Variants in RAB3GAP2 observed in about 807,000 individuals in gnomAD.
RAB3GAP2 encodes the protein rab3 GTPase-activating protein non-catalytic subunit.
In RAB3GAP2, 87 loss-of-function variants were observed where a neutral mutation model predicts 185.3. The ratio of observed to expected loss-of-function variants is 0.47; its 90% CI spans 0.39 to 0.56. The LOEUF (loss-of-function observed/expected upper bound fraction) is 0.56. RAB3GAP2 is among the 20% of genes least tolerant of loss of function. The probability of loss-of-function intolerance (pLI) is 0.00; values close to 1 mark genes in which losing one functional copy is unlikely to be tolerated. For synonymous variants in RAB3GAP2, 554 were observed against 576.1 expected (o/e 0.96, Z 0.55); for missense variants, 1,492 against 1,638.2 (o/e 0.91, Z 1.54).
chr1:220,161,706 T>C (rs1240753469), intron 28 of RAB3GAP2, among the ~76,000 whole-genome samples: 1 of 152,146 alleles, frequency 6.6e-6, no homozygotes, highest in Non-Finnish European at 1.5e-5. Context: ...TTGGATTAGA[T>C]ACAGAGGGAA....
intron 1 of RAB3GAP2, among the ~76,000 whole-genome samples, chr1:220,251,289 C>A (rs985408798): frequency 4.6e-5 from 7 of 152,104 alleles, no homozygotes; most frequent in Admixed American, 1.3e-4. Context: ...AGATTAAAAT[C>A]TAGTAGAATG....
In RAB3GAP2 at chr1:220,206,019, T is replaced by TAA. The variant is rs572027376; in HGVS notation, c.613-15_613-14dup. 3.6e-5 allele frequency: 44 copies of TAA among 1,227,130 alleles called. No individual in the cohort carries two copies. The highest frequency in any genetic ancestry group is 4.3e-5 in the Non-Finnish European group (39 of 903,440). 76.0% of individuals were successfully genotyped at this position (1,227,130 alleles called of 1,614,324 possible). On this transcript the variant is annotated splice_polypyrimidine_tract_variant and intron_variant, in intron 7 of 34. Coordinates refer to ENST00000358951, the MANE Select transcript of RAB3GAP2 (RefSeq NM_012414.4). ...TCAACTCTTCATTCTATTTAAGAAA[T>TAA]AAAAAAAAAAAGTTCTTGAATAGAT...
chr1:220,170,819 C>T (rs568149667), intron 24 of RAB3GAP2, 73 bp downstream of exon 24: 152 of 1,250,288 alleles, frequency 1.2e-4, no homozygotes, highest in East Asian at 1.2e-3. Flanking sequence ...CTATTCTTTC[C>T]GTCATTTCTA....
At chr1:220,202,188 G>A (rs1658874542) in intron 9 of RAB3GAP2, 88 bp downstream of exon 9, 8 of 1,369,794 alleles carry the variant, frequency 5.8e-6, no homozygotes, top group Non-Finnish European at 7.9e-6. Flanking sequence ...AATAAATAAA[G>A]AATAAATGCC....
chr1:220,190,957 G>GT, intron 14 of RAB3GAP2, 111 bp downstream of exon 14: 1 of 1,048,178 alleles, frequency 9.5e-7, no homozygotes, highest in Non-Finnish European at 1.5e-6. Flanking sequence ...AAAGAATATT[G>GT]TAATTCTCAA....
intron 2 of RAB3GAP2, among the ~76,000 whole-genome samples, chr1:220,230,599 C>T (rs971335929): frequency 6.6e-6 from 1 of 152,224 alleles, no homozygotes; most frequent in Admixed American, 6.5e-5. Flanking sequence ...CTTCTTAGCA[C>T]ATGATGCTCT....
intron 8 of RAB3GAP2, among the ~76,000 whole-genome samples, chr1:220,205,705 G>T (rs1386872021): frequency 1.3e-5 from 2 of 152,190 alleles, no homozygotes; most frequent in African/African-American, 2.4e-5. Context: ...AACGTGTGAA[G>T]AGTGTTTATG....
Position 220,191,085 on chromosome 1 carries a change from A to T in RAB3GAP2, c.1470T>A (p.Asn490Lys), listed in dbSNP as rs563637725. The T allele has an allele frequency of 3.7e-6, 6 of 1,613,752 alleles. No individual in the cohort carries two copies. The highest frequency in any genetic ancestry group is 4.2e-6 in the Non-Finnish European group (5 of 1,179,870). The change falls in exon 14 of 35, where the codon AAT (asparagine) becomes AAA (lysine). Residue 490 changes from asparagine to lysine, a missense_variant. Around this residue, in one of 5 missense-constraint regions of RAB3GAP2, gnomAD observed 681 missense variants for 689.1 expected, o/e 0.99. Coordinates refer to ENST00000358951, the MANE Select transcript of RAB3GAP2 (RefSeq NM_012414.4). ...CAGCTTACCTGCAGTGCTTCCCCAC[A>T]TTGAAAGCTCCTACTCTAGGTCCCT... The part of the protein sequence containing the change: ...TQQGPRVGAF[N>K]VGKHCRLLYP...
intron 3 of RAB3GAP2, 150 bp downstream of exon 3, chr1:220,213,706 A>C: frequency 1.6e-6 from 1 of 627,756 alleles, no homozygotes; most frequent in Non-Finnish European, 2.5e-6. Flanking sequence ...ATGGAGAGGG[A>C]GGGAGGGAGG....
chr1:220,197,265 G>T (rs772463886), intron 9 of RAB3GAP2, among the ~76,000 whole-genome samples: 1 of 152,142 alleles, frequency 6.6e-6, no homozygotes, highest in Non-Finnish European at 1.5e-5. Flanking sequence ...TGGGATTACC[G>T]GTGTGAGCCA....
chr1:220,196,093 T>C (rs1658717894), intron 10 of RAB3GAP2, 157 bp downstream of exon 10: 1 of 814,918 alleles, frequency 1.2e-6, no homozygotes, highest in Non-Finnish European at 1.9e-6. Flanking sequence ...CTAAAGAATT[T>C]AGAAGAAAGC....
At chr1:220,214,413 C>G (rs1558158408) in intron 2 of RAB3GAP2, among the ~76,000 whole-genome samples, 2 of 151,990 alleles carry the variant, frequency 1.3e-5, no homozygotes, top group Admixed American at 6.6e-5. Flanking sequence ...GTAATCCCAG[C>G]TACTCGGGAG....
At chr1:220,163,201 A>T (rs1657995312) in intron 27 of RAB3GAP2, among the ~76,000 whole-genome samples, 1 of 152,084 alleles carries the variant, frequency 6.6e-6, no homozygotes, top group East Asian at 1.9e-4. Context: ...CAATGTAAAC[A>T]TGGCATTTCA....
At chr1:220,242,105 C>A (rs903987585) in intron 1 of RAB3GAP2, among the ~76,000 whole-genome samples, 1 of 151,998 alleles carries the variant, frequency 6.6e-6, no homozygotes, top group Non-Finnish European at 1.5e-5. Context: ...CCTAATTTTG[C>A]TATTACTGTT....
intron 1 of RAB3GAP2, chr1:220,253,840 G>A: frequency 4.3e-6 from 7 of 1,612,526 alleles, no homozygotes; most frequent in Non-Finnish European, 5.9e-6. Context: ...GAAGATGAGA[G>A]GGGCTGCCCC....
intron 26 of RAB3GAP2, among the ~76,000 whole-genome samples, chr1:220,165,100 A>T (rs1165110695): frequency 6.6e-6 from 1 of 151,210 alleles, no homozygotes. Flanking sequence ...CTTGAATTTC[A>T]TACAGATTTA....
At chr1:220,199,213 T>G (rs1658794311) in intron 9 of RAB3GAP2, among the ~76,000 whole-genome samples, 1 of 151,978 alleles carries the variant, frequency 6.6e-6, no homozygotes, top group African/African-American at 2.4e-5. Context: ...ATTACTCGAT[T>G]TTGGATATGT....
chr1:220,176,485 C>T (rs1658291844), intron 21 of RAB3GAP2, among the ~76,000 whole-genome samples: 1 of 152,176 alleles, frequency 6.6e-6, no homozygotes, highest in Admixed American at 6.5e-5. Context: ...TCCCTGTTTG[C>T]CCATGATCCT....
chr1:220,227,636 A>T (rs1000774116), intron 2 of RAB3GAP2, among the ~76,000 whole-genome samples: 2 of 152,218 alleles, frequency 1.3e-5, no homozygotes, highest in East Asian at 3.9e-4. Context: ...CCTGAAGAGC[A>T]AAACACACCA....
Sources: allele counts gnomAD v4.1 joint callset (sites outside exome capture counted in the v4.1 genomes callset), GRCh38; gene constraint gnomAD v4.1.1; regional missense constraint gnomAD v4.1.1; transcripts MANE v1.5; gene names NCBI Gene and HGNC (gene_info 2026-07-23, HGNC 2026-07-21).